The following NXPE2 variants were observed in gnomAD, a reference collection of about 807,000 sequenced individuals.
The protein encoded by NXPE2 is neurexophilin and PC-esterase domain family member 2.
Under a neutral mutation model 34.4 loss-of-function variants are expected in NXPE2, and 34 were observed. The ratio of observed to expected loss-of-function variants is 0.99; its 90% CI spans 0.75 to 1.31. The LOEUF is 1.31. NXPE2 is among the 40% of genes most tolerant of loss of function. NXPE2 has a pLI of 0.00. For missense variants in NXPE2, 649 were observed against 672.5 expected, an observed-to-expected ratio of 0.97 and a Z score of 0.39; for synonymous variants, 235 against 231.3, an observed-to-expected ratio of 1.02 and a Z score of -0.15.
the NXPE2 span, chr11:114,512,974 G>A: frequency 6.2e-5 from 21 of 340,570 alleles, no homozygotes; most frequent in East Asian, 3.0e-4. Context: ...TTGGTGTCTC[G>A]CCCTCCAGAG....
the NXPE2 span, among the ~76,000 whole-genome samples, chr11:114,745,583 A>G: frequency 6.6e-6 from 1 of 152,222 alleles, no homozygotes; most frequent in Non-Finnish European, 1.5e-5. Flanking sequence ...AGCAAGAGCA[A>G]TATTTAAATT....
chr11:114,538,125 C>A, the NXPE2 span, among the ~76,000 whole-genome samples: 1 of 152,242 alleles, frequency 6.6e-6, no homozygotes, highest in South Asian at 2.1e-4. Context: ...AATAATGCCA[C>A]ATATCTACAA....
At chr11:114,553,311 C>T in the NXPE2 span, among the ~76,000 whole-genome samples, 22 of 152,234 alleles carry the variant, frequency 1.4e-4, no homozygotes, top group East Asian at 3.9e-4. Context: ...GTCCCTCATT[C>T]GAGAGGAGAA....
chr11:114,670,217 TAAC>T, the NXPE2 span, among the ~76,000 whole-genome samples: 1,331 of 152,108 alleles, frequency 8.8e-3, 19 homozygotes, highest in African/African-American at 0.031. Flanking sequence ...TTAGGTATGA[TAAC>T]AACAGATGGA....
chr11:114,523,569 A>G, the NXPE2 span, among the ~76,000 whole-genome samples: 19 of 152,208 alleles, frequency 1.2e-4, no homozygotes, highest in Non-Finnish European at 1.5e-5. Context: ...CAAATAGTAT[A>G]ATAGTCACCT....
At chr11:114,488,097 C>G in the NXPE2 span, among the ~76,000 whole-genome samples, 15 of 151,934 alleles carry the variant, frequency 9.9e-5, no homozygotes, top group Non-Finnish European at 4.4e-5. Flanking sequence ...TCTTTAAACA[C>G]TTGGGAGAAT....
chr11:114,588,806 A>C, the NXPE2 span, among the ~76,000 whole-genome samples: 1 of 152,150 alleles, frequency 6.6e-6, no homozygotes, highest in Admixed American at 6.5e-5. Context: ...GCACTAATAA[A>C]ACACACCTTC....
chr11:114,585,529 AAAAG>A, the NXPE2 span, among the ~76,000 whole-genome samples: 3 of 152,142 alleles, frequency 2.0e-5, no homozygotes, highest in Non-Finnish European at 4.4e-5. Context: ...TAAAAAGAGA[AAAAG>A]AAGGTCATTA....
At chr11:114,602,047 T>TTATATTATA in the NXPE2 span, among the ~76,000 whole-genome samples, 1 of 91,282 alleles carries the variant, frequency 1.1e-5, no homozygotes, top group Non-Finnish European at 1.9e-5. Flanking sequence ...ATAATATATA[T>TTATATTATA]TATATTATAT....
the NXPE2 span, among the ~76,000 whole-genome samples, chr11:114,636,726 C>T: frequency 5.9e-5 from 9 of 151,908 alleles, no homozygotes; most frequent in African/African-American, 1.7e-4. Flanking sequence ...ATGTACCCAG[C>T]AGTCATTCAG....
At chr11:114,761,491 C>T in the NXPE2 span, among the ~76,000 whole-genome samples, 1 of 151,954 alleles carries the variant, frequency 6.6e-6, no homozygotes, top group Non-Finnish European at 1.5e-5. Flanking sequence ...TAGAGGCAGG[C>T]CCTGGTTGTG....
chr11:114,580,553 C>A, the NXPE2 span, among the ~76,000 whole-genome samples: 1 of 151,650 alleles, frequency 6.6e-6, no homozygotes, highest in Non-Finnish European at 1.5e-5. Context: ...CATTAATGTT[C>A]GTTATAAGAG....
the NXPE2 span, among the ~76,000 whole-genome samples, chr11:114,593,200 C>G: frequency 2.0e-5 from 3 of 152,048 alleles, no homozygotes; most frequent in African/African-American, 7.2e-5. Context: ...CTAAAAACTT[C>G]TTCACAGCAA....
chr11:114,718,926 T>C, the NXPE2 span, among the ~76,000 whole-genome samples: 1 of 152,158 alleles, frequency 6.6e-6, no homozygotes, highest in Non-Finnish European at 1.5e-5. Context: ...TGCTCTCTCC[T>C]TGCAAAGAGT....
chr11:114,526,744 C>A, the NXPE2 span: 1 of 152,144 alleles, frequency 6.6e-6, no homozygotes, highest in Non-Finnish European at 1.5e-5. Context: ...ATACAGGACA[C>A]CGTATTAAAT....
At chr11:114,687,451 A>G (rs996984538) in intron 2 of NXPE2, among the ~76,000 whole-genome samples, 1 of 151,882 alleles carries the variant, frequency 6.6e-6, no homozygotes, top group African/African-American at 2.4e-5. Flanking sequence ...CAGGGGTCTC[A>G]ATTCTGTTCC....
At chr11:114,783,158 C>A in the NXPE2 span, among the ~76,000 whole-genome samples, 1 of 152,194 alleles carries the variant, frequency 6.6e-6, no homozygotes. Context: ...GCCTTTGTAC[C>A]TAAAATGCTT....
At chr11:114,793,077 T>C in the NXPE2 span, among the ~76,000 whole-genome samples, 4 of 152,222 alleles carry the variant, frequency 2.6e-5, no homozygotes, top group Admixed American at 1.3e-4. Flanking sequence ...TCCATTGCCC[T>C]GGTTTTACAC....
the NXPE2 span, among the ~76,000 whole-genome samples, chr11:114,640,118 G>T: frequency 8.4e-6 from 1 of 119,532 alleles, no homozygotes; most frequent in South Asian, 2.6e-4. Context: ...ATTGTATTAT[G>T]TTATATGTAA....
Sources: gnomAD v4.1 joint callset for allele counts (sites outside exome capture counted in the v4.1 genomes callset) on GRCh38, gnomAD v4.1.1 for gene constraint, MANE v1.5 for transcripts, NCBI Gene and HGNC (gene_info 2026-07-23, HGNC 2026-07-21) for gene names.